ZNF638: variants seen among roughly 807,000 people sequenced by gnomAD.
ZNF638 encodes CTCL tumor antigen se33-1.
A neutral mutation model predicts 195.6 loss-of-function variants in ZNF638; 46 were observed. The observed-to-expected ratio is 0.24, with a 90% confidence interval of 0.19 to 0.30. The LOEUF (loss-of-function observed/expected upper bound fraction) is 0.30, where lower values mean the gene tolerates loss of function less well. Among genes scored for constraint, ZNF638 ranks in the 10% least tolerant of loss-of-function variants. The probability of loss-of-function intolerance (pLI) is 1.00; values close to 1 mark genes in which losing one functional copy is unlikely to be tolerated. For synonymous variants in ZNF638, 845 were observed against 772.0 expected (o/e 1.09, Z -1.57); for missense variants, 2,440 against 2,325.3 (o/e 1.05, Z -1.01).
At chr2:71,352,495 TAA>T (rs58110916) in intron 2 of ZNF638, among the ~76,000 whole-genome samples, 8,563 of 134,566 alleles carry the variant, frequency 0.064, 901 homozygotes, top group East Asian at 0.55. Flanking sequence ...ATAAAAAAAA[TAA>T]AAAAAAAAAA....
chr2:71,424,842 G>T, intron 23 of ZNF638, 127 bp downstream of exon 23: 1 of 696,686 alleles, frequency 1.4e-6, no homozygotes. Flanking sequence ...ATAGGAATGA[G>T]ATGTTTTGTT....
At chr2:71,409,036 C>G (rs901957001) in intron 20 of ZNF638, among the ~76,000 whole-genome samples, 7 of 152,056 alleles carry the variant, frequency 4.6e-5, no homozygotes, top group Non-Finnish European at 1.0e-4. Context: ...TTATATTTTT[C>G]AAGCTGTTAT....
chr2:71,408,028 G>A (rs2080140023), intron 19 of ZNF638, 94 bp from the exon 20 acceptor site: 1 of 1,132,582 alleles, frequency 8.8e-7, no homozygotes, highest in African/African-American at 1.6e-5. Flanking sequence ...TTCCTTTTAG[G>A]TGTATACTAA....
At chr2:71,429,633 A>G (rs931137303) in intron 25 of ZNF638, among the ~76,000 whole-genome samples, 5 of 152,214 alleles carry the variant, frequency 3.3e-5, no homozygotes, top group Admixed American at 1.3e-4. Context: ...TTAGAGCAAA[A>G]CGTCTAGAAA....
At chr2:71,433,057 A>G in intron 26 of ZNF638, 108 bp from the exon 27 acceptor site, 1 of 914,526 alleles carries the variant, frequency 1.1e-6, no homozygotes. Context: ...ACTGCCCTCC[A>G]ACCTGGATGA....
At chr2:71,347,234 T>G (rs186134218) in intron 1 of ZNF638, among the ~76,000 whole-genome samples, 2 of 152,160 alleles carry the variant, frequency 1.3e-5, no homozygotes, top group African/African-American at 4.8e-5. Flanking sequence ...ATTAGAGAGA[T>G]TGGTTAGATT....
At chr2:71,352,122 A>C (rs1264962527) in intron 2 of ZNF638, among the ~76,000 whole-genome samples, 2 of 152,172 alleles carry the variant, frequency 1.3e-5, no homozygotes, top group Admixed American at 1.3e-4. Flanking sequence ...GTGGGAGAGA[A>C]GACTTCATGG....
Position 71,431,393 on chromosome 2 carries a change from C to T in ZNF638, c.5717C>T (p.Ser1906Phe). 1 of 1,614,038 alleles carries T rather than the reference C, an allele frequency of 6.2e-7. No individual in the cohort carries two copies. The highest frequency in any genetic ancestry group is 8.5e-7 in the Non-Finnish European group (1 of 1,179,900). Residue 1906 changes from serine to phenylalanine, a missense_variant, in exon 26 of 28, where the codon TCT (serine) becomes TTT (phenylalanine). Physicochemically the swap from Ser to Phe is radical, Grantham distance 155. Transcript: ENST00000264447. ...ERKRKKTEDS[S>F]SGKSVASDVP... is the part of the protein sequence containing the mutation. ...AAACGCAAGAAGACTGAAGACTCTTCTTCAGGCAAATCAGTGGCGTCTGAT... is the reference window on the plus strand; with the variant it reads ...AAACGCAAGAAGACTGAAGACTCTTTTTCAGGCAAATCAGTGGCGTCTGAT...
At chr2:71,338,989 G>C (rs530628282) in intron 1 of ZNF638, among the ~76,000 whole-genome samples, 1 of 151,998 alleles carries the variant, frequency 6.6e-6, no homozygotes, top group African/African-American at 2.4e-5. Flanking sequence ...ATCGTTTTCT[G>C]TATTATTCTT....
chr2:71,388,400 C>T (rs1233797421), intron 10 of ZNF638: 2 of 657,742 alleles, frequency 3.0e-6, no homozygotes, highest in African/African-American at 3.6e-5. Context: ...GACCTTTGAT[C>T]ATCCGCGTGC....
At chr2:71,335,963 A>G (rs1053667793) in intron 1 of ZNF638, among the ~76,000 whole-genome samples, 2 of 152,100 alleles carry the variant, frequency 1.3e-5, no homozygotes, top group Non-Finnish European at 2.9e-5. Context: ...TAAACTCCCC[A>G]CCTACCTTTT....
chr2:71,346,737 T>A (rs2104155316), intron 1 of ZNF638, among the ~76,000 whole-genome samples: 1 of 152,066 alleles, frequency 6.6e-6, no homozygotes, highest in South Asian at 2.1e-4. Context: ...TAAATAAAGG[T>A]TATTGAATGC....
chr2:71,374,077 C>T (rs577866890), intron 8 of ZNF638: 162 of 152,374 alleles, frequency 1.1e-3, no homozygotes, highest in African/African-American at 3.7e-3. Context: ...TCTCCTGCCT[C>T]GGCCTCCCGA....
At chr2:71,358,588 AG>A (rs2079061303) in intron 3 of ZNF638, among the ~76,000 whole-genome samples, 2 of 152,204 alleles carry the variant, frequency 1.3e-5, no homozygotes, top group Admixed American at 1.3e-4. Flanking sequence ...TTCGTTACAC[AG>A]GTAACTGTGG....
Position 71,423,506 on chromosome 2 carries a change from C to G in ZNF638, c.3992C>G (p.Ala1331Gly), listed in dbSNP as rs1299016816. The change falls in exon 22 of 28, where the codon GCT becomes GGT. Residue 1331 changes from alanine (A) to glycine (G), a missense_variant. Ala to Gly is a moderately conservative substitution (Grantham distance 60). This residue lies in a region of ZNF638 where 1,883 missense variants were observed against 1,739.1 expected (regional missense o/e 1.08). Transcript: ENST00000264447. ...RMDLQIGTEK[A>G]EKNEGRMDAE... ...GATCTTCAAATAGGAACAGAGAAGG[C>G]TGAAAAGAATGAAGGTAGGATGGAT... 4.3e-6 allele frequency: 7 copies of G among 1,613,692 alleles called. No individual in the cohort carries two copies. The South Asian group carries it at 5.5e-5, about 13-fold the overall frequency.
intron 8 of ZNF638, chr2:71,374,975 A>G (rs562710117): frequency 6.6e-6 from 1 of 151,208 alleles, no homozygotes; most frequent in Non-Finnish European, 1.5e-5. Flanking sequence ...TATGCCCTTT[A>G]GCAAGTTTTA....
chr2:71,356,501 A>G lies in ZNF638; in HGVS notation c.1379+721A>G, dbSNP rs1196781291. ...AGAATCCTTTTGGTTGTAAGTGGTTAAAGTTGCAGATTAGTTGCTGGCTCA... is the reference window on the plus strand; with the variant it reads ...AGAATCCTTTTGGTTGTAAGTGGTTGAAGTTGCAGATTAGTTGCTGGCTCA... On this transcript the variant is annotated intron_variant, in intron 3 of 27. Transcript: ENST00000264447. Among the ~76,000 whole-genome samples the G allele has an allele frequency of 2.0e-5, 3 of 152,342 alleles. No homozygotes were observed. In the East Asian group the frequency reaches 5.8e-4, roughly 29 times the overall value.
Position 71,422,937 on chromosome 2 carries a change from A to C in ZNF638, c.3423A>C (p.Val1141=). The C allele has an allele frequency of 6.2e-7, 1 of 1,614,152 alleles. No homozygotes were observed. The highest frequency in any genetic ancestry group is 1.6e-4 in the Middle Eastern group (1 of 6,062). Residue 1141 remains valine, a synonymous_variant, in exon 22 of 28, where the codon GTA becomes GTC. Coordinates refer to ENST00000264447, the MANE Select transcript of ZNF638 (RefSeq NM_014497.5). ...CCAGCATTCAAACAGAAACTTTGGT[A>C]CAGCAGGAAGAGCCTTGTGAGGAAG... The part of the protein sequence containing the change: ...STPSIQTETL[V]QQEEPCEEEA...
intron 8 of ZNF638, among the ~76,000 whole-genome samples, chr2:71,374,473 T>C (rs776112629): frequency 5.9e-5 from 9 of 152,238 alleles, no homozygotes; most frequent in Non-Finnish European, 1.3e-4. Context: ...TTTTTCCTCT[T>C]TATTTAAATT....
Sources: allele counts gnomAD v4.1 joint callset (sites outside exome capture counted in the v4.1 genomes callset), GRCh38; gene constraint gnomAD v4.1.1; regional missense constraint gnomAD v4.1.1; transcripts MANE v1.5; gene names NCBI Gene and HGNC (gene_info 2026-07-23, HGNC 2026-07-21).